Variants in POLA1 observed in about 807,000 individuals in gnomAD.
The protein encoded by POLA1 is DNA polymerase alpha 1, catalytic subunit.
Under a neutral mutation model 124.0 loss-of-function variants are expected in POLA1, and 15 were observed. The observed-to-expected ratio is 0.12, with a 90% CI of 0.08 to 0.19. POLA1 has a LOEUF of 0.19. Ranked by LOEUF, POLA1 falls within the 10% of genes least tolerant of loss-of-function variation. The pLI, the probability that POLA1 is intolerant of heterozygous loss-of-function variation, is 1.00. For missense variants in POLA1, 886 were observed against 1,103.4 expected, an observed-to-expected ratio of 0.80 and a Z score of 2.79; for synonymous variants, 408 against 389.4, an observed-to-expected ratio of 1.05 and a Z score of -0.56.
intron 26 of POLA1, among the ~76,000 whole-genome samples, chrX:24,805,007 A>C (rs2045775072): frequency 9.0e-6 from 1 of 111,680 alleles, no homozygotes; most frequent in African/African-American, 3.3e-5. Context: ...TTTCTTTAGA[A>C]AACAATTTTT....
intron 26 of POLA1, among the ~76,000 whole-genome samples, chrX:24,761,837 T>C (rs1294174297): frequency 3.6e-5 from 4 of 112,113 alleles, no homozygotes; most frequent in Non-Finnish European, 5.6e-5. Context: ...CAAATGACAT[T>C]GCTTGTGACC....
At chrX:24,699,000 C>T (rs1272536210) in intron 1 of POLA1, among the ~76,000 whole-genome samples, 2 of 111,841 alleles carry the variant, frequency 1.8e-5, no homozygotes, top group Admixed American at 9.5e-5. Context: ...AGTAGATGCT[C>T]CTTGAAGCCT....
chrX:24,707,073 C>T (rs774239160), intron 4 of POLA1, among the ~76,000 whole-genome samples: 1 of 112,267 alleles, frequency 8.9e-6, no homozygotes, highest in African/African-American at 3.2e-5. Flanking sequence ...AAATTTTCTA[C>T]ACTGGTACCA....
At chrX:24,742,171 C>G in intron 22 of POLA1, 50 bp downstream of exon 22, 2 of 573,751 alleles carry the variant, frequency 3.5e-6, no homozygotes, top group Non-Finnish European at 5.2e-6. Context: ...CCCCCCCCCC[C>G]TTTTAATACC....
At chrX:24,829,298 C>T (rs192812781) in intron 32 of POLA1, among the ~76,000 whole-genome samples, 7 of 111,665 alleles carry the variant, frequency 6.3e-5, no homozygotes, top group African/African-American at 2.3e-4. Flanking sequence ...AACTGCTCCT[C>T]ACTTTTGGCT....
At chrX:24,941,060 G>T (rs1421016752) in intron 36 of POLA1, among the ~76,000 whole-genome samples, 1 of 111,563 alleles carries the variant, frequency 9.0e-6, no homozygotes, top group East Asian at 2.8e-4. Flanking sequence ...ACTTAGCCCA[G>T]AATTTAATGT....
intron 34 of POLA1, among the ~76,000 whole-genome samples, chrX:24,864,419 T>C (rs779785262): frequency 1.2e-4 from 13 of 112,337 alleles, no homozygotes; most frequent in Non-Finnish European, 2.3e-4. Context: ...CTCTAGAATA[T>C]AACGTACACT....
intron 28 of POLA1, among the ~76,000 whole-genome samples, chrX:24,811,465 T>G (rs2045899738): frequency 9.1e-6 from 1 of 109,501 alleles, no homozygotes; most frequent in South Asian, 4.0e-4. Flanking sequence ...AATTTTTGTA[T>G]TTTTGGTAGA....
At chrX:24,804,200 A>G (rs1039043663) in intron 26 of POLA1, among the ~76,000 whole-genome samples, 2 of 110,933 alleles carry the variant, frequency 1.8e-5, no homozygotes, top group Non-Finnish European at 3.8e-5. Flanking sequence ...TTAGAGGAAG[A>G]CACAAATCTA....
At chrX:24,771,319 A>AT (rs1346475947) in intron 26 of POLA1, among the ~76,000 whole-genome samples, 3 of 111,467 alleles carry the variant, frequency 2.7e-5, no homozygotes, top group African/African-American at 9.8e-5. Flanking sequence ...AAGAAACAAA[A>AT]GATCAGTCAG....
chrX:24,797,759 A>G (rs1301781323), intron 26 of POLA1, among the ~76,000 whole-genome samples: 1 of 111,460 alleles, frequency 9.0e-6, no homozygotes, highest in Non-Finnish European at 1.9e-5. Context: ...GAGAGTGGAA[A>G]TGCACAGGCT....
At chrX:24,806,110 G>A (rs1212020413) in intron 26 of POLA1, among the ~76,000 whole-genome samples, 1 of 42,177 alleles carries the variant, frequency 2.4e-5, no homozygotes, top group Non-Finnish European at 3.8e-5. Flanking sequence ...TTTTTTTTTT[G>A]AGAAGGTAGT....
chrX:24,919,054 A>T (rs1257393724), intron 35 of POLA1, among the ~76,000 whole-genome samples: 1 of 111,870 alleles, frequency 8.9e-6, no homozygotes. Flanking sequence ...ATTATAGCAG[A>T]TATCTTGCCC....
At chrX:24,867,286 G>A (rs1457657997) in intron 34 of POLA1, among the ~76,000 whole-genome samples, 2 of 111,084 alleles carry the variant, frequency 1.8e-5, no homozygotes, top group Non-Finnish European at 3.8e-5. Flanking sequence ...ATGAATGATA[G>A]TGTTATATTC....
intron 36 of POLA1, among the ~76,000 whole-genome samples, chrX:24,982,753 C>T (rs1197364041): frequency 1.8e-5 from 2 of 110,130 alleles, no homozygotes; most frequent in East Asian, 2.8e-4. Flanking sequence ...CCTCCCCTCC[C>T]TCCACTGGCT....
At chrX:24,988,362 A>G (rs188859070) in intron 36 of POLA1, among the ~76,000 whole-genome samples, 264 of 112,789 alleles carry the variant, frequency 2.3e-3, no homozygotes, top group Middle Eastern at 9.2e-3. Flanking sequence ...GTGAAGGAAA[A>G]TAAGCAGAGG....
intron 26 of POLA1, among the ~76,000 whole-genome samples, chrX:24,785,482 A>G (rs941169482): frequency 1.8e-5 from 2 of 111,827 alleles, no homozygotes; most frequent in African/African-American, 6.5e-5. Context: ...AGGTGAAGAA[A>G]ATTGTGTGAA....
intron 26 of POLA1, among the ~76,000 whole-genome samples, chrX:24,772,384 C>CT (rs2045055963): frequency 1.8e-5 from 2 of 110,179 alleles, no homozygotes; most frequent in East Asian, 2.8e-4. Flanking sequence ...TTTATTGTTA[C>CT]TTTTTTATTT....
chrX:24,893,989 A>G (rs1207549121), intron 35 of POLA1, among the ~76,000 whole-genome samples: 2 of 111,217 alleles, frequency 1.8e-5, no homozygotes, highest in Non-Finnish European at 3.8e-5. Context: ...TTCAGCACCT[A>G]TTCAATGCCC....
Sources: allele counts gnomAD v4.1 joint callset (sites outside exome capture counted in the v4.1 genomes callset), GRCh38; gene constraint gnomAD v4.1.1; transcripts MANE v1.5; gene names NCBI Gene and HGNC (gene_info 2026-07-23, HGNC 2026-07-21).